APLP1: variants seen among roughly 807,000 people sequenced by gnomAD.
The protein encoded by APLP1 is amyloid beta precursor like protein 1.
APLP1 carries 46 observed loss-of-function variants against 84.5 expected under a neutral mutation model. That is an observed-to-expected ratio of 0.54 (90% confidence interval 0.43 to 0.70). The LOEUF is 0.70. Among genes scored for constraint, APLP1 ranks in the 30% least tolerant of loss-of-function variants. APLP1 has a pLI of 0.00. For missense variants in APLP1, 826 were observed against 900.2 expected, an observed-to-expected ratio of 0.92 and a Z score of 1.05; for synonymous variants, 376 against 364.0, an observed-to-expected ratio of 1.03 and a Z score of -0.38.
At chr19:35,877,862 G>C in intron 12 of APLP1, 37 bp downstream of exon 12, 1 of 1,545,354 alleles carries the variant, frequency 6.5e-7, no homozygotes, top group Non-Finnish European at 8.9e-7. Context: ...CCAGACATTA[G>C]GGAACAGGCC....
chr19:35,869,253 A>T (rs1252255331), intron 1 of APLP1: 1 of 482,110 alleles, frequency 2.1e-6, no homozygotes, highest in Non-Finnish European at 3.6e-6. Flanking sequence ...GGTGTCCAGG[A>T]CTGTAGGCCC....
intron 11 of APLP1, 134 bp downstream of exon 11, chr19:35,876,750 G>T: frequency 4.0e-6 from 3 of 742,040 alleles, no homozygotes; most frequent in Non-Finnish European, 4.2e-6. Context: ...AATCAACAAT[G>T]ATTTTTCTTT....
chr19:35,869,565 AG>A (rs761439123), intron 1 of APLP1, 101 bp from the exon 2 acceptor site: 2 of 1,444,744 alleles, frequency 1.4e-6, no homozygotes, highest in Non-Finnish European at 1.9e-6. Flanking sequence ...TGCTTGGGGG[AG>A]GGGGCTGGTG....
chr19:35,868,695 T>C lies in APLP1; in HGVS notation c.59T>C (p.Leu20Pro). Residue 20 changes from leucine to proline, a missense_variant, in exon 1 of 17, where the codon CTG becomes CCG. Transcript: ENST00000221891. The surrounding 1 kb of genome is among the most constrained non-coding windows in gnomAD (Gnocchi z 5.2). ...AGTCGCCGCCCGGGCCAGCCGCCGC[T>C]GCCGCTGCTGCTGCCACTATTGCTG... ...GLSRRPGQPP[L>P]PLLLPLLLLL... 7.1e-7 allele frequency: 1 copy of C among 1,413,994 alleles called. No homozygotes were observed. The highest frequency in any genetic ancestry group is 9.2e-7 in the Non-Finnish European group (1 of 1,088,158). 87.6% of individuals were successfully genotyped at this position (1,413,994 alleles called of 1,614,324 possible).
intron 7 of APLP1, among the ~76,000 whole-genome samples, chr19:35,872,988 T>C (rs908759605): frequency 4.0e-5 from 6 of 151,824 alleles, no homozygotes; most frequent in African/African-American, 1.5e-4. Flanking sequence ...GTCTCCTGAG[T>C]AGCTGGGATT....
At position 35,868,825 on chromosome 19, in the gene APLP1, G is replaced by T. The variant is rs1974057873; in HGVS notation, c.147+42G>T. Reference sequence around the variant, plus strand: ...TCCTGGGGGATGGGGGAAGGGGCGGGACCGGGTCTCTGGACGCCGGCGCGG... The same window carrying T: ...TCCTGGGGGATGGGGGAAGGGGCGGTACCGGGTCTCTGGACGCCGGCGCGG... On this transcript the variant is annotated intron_variant, in intron 1 of 16. Coordinates refer to ENST00000221891, the MANE Select transcript of APLP1 (RefSeq NM_001024807.3). This position sits in a 1 kb window ranked among gnomAD's most constrained non-coding sequence, Gnocchi z 5.2. 7.9e-7 allele frequency: 1 copy of T among 1,262,064 alleles called. No homozygotes were observed. Among genetic ancestry groups the T allele is most frequent in the South Asian group, 2.6e-5 (1 of 37,798 alleles). 78.2% of individuals were successfully genotyped at this position (1,262,064 alleles called of 1,614,324 possible). A position where few individuals can be genotyped will look rare whatever the true frequency, so the allele number is the denominator to read the frequency against.
chr19:35,877,580 C>T lies in APLP1; in HGVS notation c.1445-138C>T, dbSNP rs577756695. On this transcript the variant is annotated intron_variant, in intron 11 of 16. Coordinates refer to ENST00000221891, the MANE Select transcript of APLP1 (RefSeq NM_001024807.3). ...GCCTCCATCCAGCTTCCCACTTTCT[C>T]AGATCACACTTCTGGCTACCCCACA... 118 of 584,008 alleles carry T rather than the reference C, an allele frequency of 2.0e-4. No individual in the cohort carries two copies. The Middle Eastern group carries it at 3.0e-3, about 15-fold the overall frequency. The allele number at this position is 584,008 out of a possible 1,614,324, so 36.2% of individuals were successfully genotyped here. A position where few individuals can be genotyped will look rare whatever the true frequency, so the allele number is the denominator to read the frequency against.
In APLP1 at chr19:35,871,042, G is replaced by T; in HGVS notation, c.424+14G>T. 6.6e-7 allele frequency: 1 copy of T among 1,512,366 alleles called. No homozygotes were observed. Among genetic ancestry groups the T allele is most frequent in the East Asian group, 2.4e-5 (1 of 41,420 alleles). The allele number at this position is 1,512,366 out of a possible 1,614,324, so 93.7% of individuals were successfully genotyped here. ...TCCGCTGCCTGCGTGAGTCCCAGGC[G>T]GGGAGAGGGGAACTGAGGTGGGAGT... On this transcript the variant is annotated intron_variant, in intron 3 of 16. Transcript: ENST00000221891.
Position 35,872,629 on chromosome 19 carries a change from G to A in APLP1, c.981+16G>A, listed in dbSNP as rs1429279381. On this transcript the variant is annotated intron_variant, in intron 7 of 16. Transcript: ENST00000221891. Reference sequence around the variant, plus strand: ...GATTAATGAGGTGATAATACTGGGGGCCCCAGGACCCCCTACAGTACAGAG... The same window carrying A: ...GATTAATGAGGTGATAATACTGGGGACCCCAGGACCCCCTACAGTACAGAG... 6.2e-6 allele frequency: 10 copies of A among 1,609,798 alleles called. No individual in the cohort carries two copies. Among genetic ancestry groups the A allele is most frequent in the Non-Finnish European group, 7.6e-6 (9 of 1,177,714 alleles).
intron 14 of APLP1, 96 bp downstream of exon 14, chr19:35,878,750 T>C: frequency 6.5e-7 from 1 of 1,542,326 alleles, no homozygotes; most frequent in Non-Finnish European, 9.0e-7. Context: ...TTGGATTCCT[T>C]GTCCTGAGGG....
intron 2 of APLP1, chr19:35,870,220 G>A (rs1031907505): frequency 1.3e-5 from 3 of 236,220 alleles, no homozygotes; most frequent in Non-Finnish European, 2.5e-5. Flanking sequence ...TGGAGAGGCG[G>A]AATAGAGGAA....
At chr19:35,878,808 C>G (rs1324415833) in intron 14 of APLP1, 82 bp from the exon 15 acceptor site, 5 of 1,569,426 alleles carry the variant, frequency 3.2e-6, no homozygotes, top group Non-Finnish European at 4.4e-6. Flanking sequence ...AATGAGAGGG[C>G]TGGGGGACGC....
chr19:35,869,945 G>A, intron 2 of APLP1, 135 bp downstream of exon 2: 1 of 1,166,596 alleles, frequency 8.6e-7, no homozygotes. Context: ...AACTATGCTA[G>A]GGGCAGGGGA....
rs566125112 is a variant in APLP1 at position 35,872,076 on chromosome 19, G to A, written c.850+40G>A. On this transcript the variant is annotated intron_variant, in intron 6 of 16. Transcript: ENST00000221891. ...GAACCCCTGGGGCCTCTCCACCATA[G>A]AGGGAGAAAGATCTGGGGGAGTCTT... is the stretch of plus-strand genomic sequence containing the variant. 5.0e-6 allele frequency: 8 copies of A among 1,589,792 alleles called. No homozygotes were observed. The African/African-American group carries it at 8.1e-5, about 16-fold the overall frequency.
chr19:35,873,667 A>G lies in APLP1; in HGVS notation c.1010A>G (p.Asn337Ser). ...ATGCGTGAATGGGCCATGGCAGACA[A>G]CCAGTCCAAGAACCTGCCTAAAGCC... ...EVMREWAMADNQSKNLPKADR... is the reference protein window; with the variant it reads ...EVMREWAMADSQSKNLPKADR... The change falls in exon 8 of 17, where the codon AAC (asparagine) becomes AGC (serine). Residue 337 changes from asparagine (N) to serine (S), a missense_variant. Asn to Ser is a conservative substitution (Grantham distance 46). This residue lies in a region of APLP1 where 433 missense variants were observed against 496.5 expected (regional missense o/e 0.87). Transcript: ENST00000221891. The G allele has an allele frequency of 6.2e-7, 1 of 1,614,118 alleles. No homozygotes were observed. The highest frequency in any genetic ancestry group is 8.5e-7 in the Non-Finnish European group (1 of 1,180,012).
At chr19:35,869,915 C>T in intron 2 of APLP1, 105 bp downstream of exon 2, 1 of 1,428,038 alleles carries the variant, frequency 7.0e-7, no homozygotes, top group East Asian at 2.6e-5. Flanking sequence ...GGCTGGGGGG[C>T]GTGGCCAATA....
rs547051317 is a variant in APLP1 at position 35,874,152 on chromosome 19, C to T, written c.1057-352C>T. Among the ~76,000 whole-genome samples the T allele has an allele frequency of 7.9e-5, 12 of 152,312 alleles. No homozygotes were observed. The highest frequency in any genetic ancestry group is 2.6e-4 in the African/African-American group (11 of 41,560). The stretch of plus-strand genomic sequence containing the variant: ...TAGCCCCCATTCCAGCTCTTTGTCC[C>T]ACCCCTATCGTGTCATTTATACACA... On this transcript the variant is annotated intron_variant, in intron 8 of 16. Transcript: ENST00000221891. This position sits in a 1 kb window ranked among gnomAD's most constrained non-coding sequence, Gnocchi z 6.4.
chr19:35,875,201 C>T (rs1198797239), intron 10 of APLP1, among the ~76,000 whole-genome samples: 2 of 137,284 alleles, frequency 1.5e-5, no homozygotes, highest in South Asian at 2.4e-4. Flanking sequence ...CTTGCTCTGT[C>T]GCCCAGGCAG....
At position 35,872,287 on chromosome 19, in the gene APLP1, G is replaced by A. The variant is rs140722124; in HGVS notation, c.851-196G>A. ...AGGATCATTTCAGGAAAGCTTGGAA[G>A]ATGGTGTAATGGATTCCTAAGCTTT... On this transcript the variant is annotated intron_variant, in intron 6 of 16. Coordinates refer to ENST00000221891, the MANE Select transcript of APLP1 (RefSeq NM_001024807.3). 1.3e-4 allele frequency among the ~76,000 whole-genome samples: 20 copies of A among 152,266 alleles called. 1 individual carries two copies. The highest frequency in any genetic ancestry group is 2.4e-4 in the Non-Finnish European group (16 of 68,012).
Sources: gnomAD v4.1 joint callset for allele counts (sites outside exome capture counted in the v4.1 genomes callset) on GRCh38, gnomAD v4.1.1 for gene constraint, gnomAD v4.1.1 regional missense constraint, Gnocchi (gnomAD v3.1) non-coding constraint, MANE v1.5 for transcripts, NCBI Gene and HGNC (gene_info 2026-07-23, HGNC 2026-07-21) for gene names.